GRIP1: variants seen among roughly 807,000 people sequenced by gnomAD.
GRIP1 encodes glutamate receptor-interacting protein 1.
GRIP1 carries 45 observed loss-of-function variants against 129.9 expected under a neutral mutation model. That is an observed-to-expected ratio of 0.35 (90% CI 0.27 to 0.44). The LOEUF is 0.44. GRIP1 is among the 20% of genes least tolerant of loss of function. The pLI is 1.00. For synonymous variants in GRIP1, 530 were observed against 520.8 expected (o/e 1.02, Z -0.24); for missense variants, 1,196 against 1,396.8 (o/e 0.86, Z 2.29).
chr12:66,545,956 A>G (rs974872708), intron 2 of GRIP1, among the ~76,000 whole-genome samples: 4 of 152,184 alleles, frequency 2.6e-5, no homozygotes, highest in African/African-American at 9.7e-5. Flanking sequence ...GGCCTAAATA[A>G]TTGGAGAGAC....
chr12:66,874,464 T>C (rs1200596634), intron 1 of GRIP1, among the ~76,000 whole-genome samples: 2 of 152,080 alleles, frequency 1.3e-5, no homozygotes, highest in Non-Finnish European at 2.9e-5. Flanking sequence ...CTTGCATTGC[T>C]ATAAAGAAAT....
chr12:66,584,931 C>T (rs1260472315), intron 2 of GRIP1, among the ~76,000 whole-genome samples: 1 of 152,076 alleles, frequency 6.6e-6, no homozygotes, highest in Non-Finnish European at 1.5e-5. Flanking sequence ...ACTCACACAT[C>T]TTCTCAGCAG....
chr12:66,871,510 T>C (rs1240284314), intron 1 of GRIP1, among the ~76,000 whole-genome samples: 2 of 152,086 alleles, frequency 1.3e-5, no homozygotes, highest in Non-Finnish European at 2.9e-5. Flanking sequence ...CTTATAGGGA[T>C]GTGTAAGATT....
At chr12:66,852,447 A>G (rs926841206) in intron 1 of GRIP1, among the ~76,000 whole-genome samples, 4 of 151,712 alleles carry the variant, frequency 2.6e-5, no homozygotes, top group African/African-American at 9.7e-5. Flanking sequence ...AAAGATTTTT[A>G]AACACCCCAA....
At chr12:66,757,403 T>C (rs1228831503) in intron 1 of GRIP1, among the ~76,000 whole-genome samples, 1 of 152,182 alleles carries the variant, frequency 6.6e-6, no homozygotes, top group African/African-American at 2.4e-5. Flanking sequence ...TTATTGCAAA[T>C]AATAAGATCT....
At chr12:67,035,893 A>T (rs1250201294) in intron 1 of GRIP1, among the ~76,000 whole-genome samples, 2 of 152,180 alleles carry the variant, frequency 1.3e-5, no homozygotes, top group Admixed American at 6.5e-5. Flanking sequence ...CTTCCCAAAG[A>T]GTAAGCACTA....
At chr12:66,370,461 T>C (rs562857122) in intron 23 of GRIP1, among the ~76,000 whole-genome samples, 26 of 152,320 alleles carry the variant, frequency 1.7e-4, no homozygotes, top group Admixed American at 1.4e-3. Context: ...TCCTTGTCAG[T>C]TGCAAAACAA....
chr12:66,435,445 C>G (rs2138002536), intron 13 of GRIP1, among the ~76,000 whole-genome samples: 1 of 152,292 alleles, frequency 6.6e-6, no homozygotes. Flanking sequence ...CTCAAGTGAT[C>G]CGTCCACCTC....
chr12:67,025,267 G>A (rs1046206451), intron 1 of GRIP1, among the ~76,000 whole-genome samples: 1 of 152,148 alleles, frequency 6.6e-6, no homozygotes, highest in Non-Finnish European at 1.5e-5. Flanking sequence ...CTTGAACCTG[G>A]GAGGTGGAGG....
At chr12:66,599,522 G>C (rs2064189136) in intron 1 of GRIP1, among the ~76,000 whole-genome samples, 1 of 152,138 alleles carries the variant, frequency 6.6e-6, no homozygotes, top group African/African-American at 2.4e-5. Context: ...ACCCATCACA[G>C]AATAAACACC....
At chr12:66,420,045 C>T (rs558631590) in intron 15 of GRIP1, among the ~76,000 whole-genome samples, 6 of 152,178 alleles carry the variant, frequency 3.9e-5, no homozygotes, top group African/African-American at 1.2e-4. Context: ...TTCAGTGAGC[C>T]GAGATTGTGC....
At chr12:66,444,475 A>G in intron 13 of GRIP1, 109 bp downstream of exon 13, 1 of 912,846 alleles carries the variant, frequency 1.1e-6, no homozygotes, top group Non-Finnish European at 1.7e-6. Context: ...CCTGGGCGAC[A>G]GAGCGAGACT....
intron 1 of GRIP1, among the ~76,000 whole-genome samples, chr12:66,701,423 A>G (rs2035348501): frequency 1.3e-5 from 2 of 152,208 alleles, no homozygotes; most frequent in Non-Finnish European, 2.9e-5. Context: ...AAATAATGTA[A>G]CTGGAAATAC....
intron 1 of GRIP1, among the ~76,000 whole-genome samples, chr12:66,904,094 T>A (rs1477285550): frequency 6.6e-6 from 1 of 152,214 alleles, no homozygotes; most frequent in Non-Finnish European, 1.5e-5. Context: ...TTTTAGGAAG[T>A]ATGGTATTTA....
intron 1 of GRIP1, among the ~76,000 whole-genome samples, chr12:66,771,394 GCA>G (rs1432653742): frequency 6.6e-6 from 1 of 152,078 alleles, no homozygotes; most frequent in Non-Finnish European, 1.5e-5. Context: ...ACAAGACCTT[GCA>G]CAGACACAAC....
intron 1 of GRIP1, among the ~76,000 whole-genome samples, chr12:66,723,332 A>ATTTTTTTTTTTT (rs2036153490): frequency 1.5e-5 from 1 of 66,184 alleles, no homozygotes; most frequent in African/African-American, 6.5e-5. Flanking sequence ...TTTTTTTTTG[A>ATTTTTTTTTTTT]GACAGAGTCT....
intron 1 of GRIP1, among the ~76,000 whole-genome samples, chr12:66,769,379 C>G (rs1370709325): frequency 1.3e-5 from 2 of 152,034 alleles, no homozygotes; most frequent in Admixed American, 1.3e-4. Context: ...TGATTATGCT[C>G]CCTGAAGTTT....
At chr12:66,724,675 A>G (rs1414301370) in intron 1 of GRIP1, among the ~76,000 whole-genome samples, 1 of 151,812 alleles carries the variant, frequency 6.6e-6, no homozygotes, top group Non-Finnish European at 1.5e-5. Flanking sequence ...TTTAGAAATT[A>G]CTCCATGTTT....
chr12:66,565,280 C>T (rs1189638487), intron 2 of GRIP1, among the ~76,000 whole-genome samples: 6 of 152,056 alleles, frequency 3.9e-5, no homozygotes, highest in Non-Finnish European at 8.8e-5. Context: ...GTCTTTAATC[C>T]ATCTTGAATT....
Sources: allele counts gnomAD v4.1 joint callset (sites outside exome capture counted in the v4.1 genomes callset), GRCh38; gene constraint gnomAD v4.1.1; transcripts MANE v1.5; gene names NCBI Gene and HGNC (gene_info 2026-07-23, HGNC 2026-07-21).